The following WWOX variants were observed in gnomAD, a reference collection of about 807,000 sequenced individuals.
The protein encoded by WWOX is WW domain-containing oxidoreductase.
WWOX carries 69 observed loss-of-function variants against 46.2 expected under a neutral mutation model. The ratio of observed to expected loss-of-function variants is 1.49; its 90% CI spans 1.23 to 1.82. The LOEUF (loss-of-function observed/expected upper bound fraction) is 1.82. WWOX is among the 40% of genes most tolerant of loss of function. The pLI, the probability that WWOX is intolerant of heterozygous loss-of-function variation, is 0.00. For synonymous variants in WWOX, 359 were observed against 202.6 expected (o/e 1.77, Z -6.56); for missense variants, 919 against 542.6 (o/e 1.69, Z -6.89).
At position 79,174,668 on chromosome 16, in the gene WWOX, G is replaced by C. The variant is rs975591070; in HGVS notation, c.1057-36940G>C. Among the ~76,000 whole-genome samples, 3 of 152,138 alleles carry C rather than the reference G, an allele frequency of 2.0e-5. 1 individual carries two copies. Among genetic ancestry groups the C allele is most frequent in the Non-Finnish European group, 4.4e-5 (3 of 68,020 alleles). On this transcript the variant is annotated intron_variant, in intron 8 of 8. Coordinates refer to ENST00000566780, the MANE Select transcript of WWOX (RefSeq NM_016373.4). ...CATCTCAAAAACAAAAATTAAGAGGGACTGATGTCCAGTGAATTTCTATGT... is the reference window on the plus strand; with the variant it reads ...CATCTCAAAAACAAAAATTAAGAGGCACTGATGTCCAGTGAATTTCTATGT...
chr16:78,560,412 G>A (rs1272974435), intron 8 of WWOX, among the ~76,000 whole-genome samples: 1 of 152,210 alleles, frequency 6.6e-6, no homozygotes, highest in Admixed American at 6.5e-5. Flanking sequence ...GGAGGCCGAG[G>A]TGGGTGGATC....
rs780339512 is a variant in WWOX, at chr16:79,211,827, C to T, written c.*31C>T. ...GCTCAGAGCGGATGGGCACACACAC[C>T]CGCCCTGTGTGTGTCCCCTCACGCA... On this transcript the variant is annotated 3_prime_UTR_variant, in exon 9 of 9. Coordinates refer to ENST00000566780, the MANE Select transcript of WWOX (RefSeq NM_016373.4). The T allele has an allele frequency of 6.2e-7, 1 of 1,613,214 alleles. No individual in the cohort carries two copies. The highest frequency in any genetic ancestry group is 8.5e-7 in the Non-Finnish European group (1 of 1,179,810).
At chr16:78,711,976 C>T (rs1004594433) in intron 8 of WWOX, among the ~76,000 whole-genome samples, 1 of 152,170 alleles carries the variant, frequency 6.6e-6, no homozygotes, top group Non-Finnish European at 1.5e-5. Context: ...GACATTAAAT[C>T]TTCCATAATC....
chr16:79,040,168 C>T (rs1265094730), intron 8 of WWOX, among the ~76,000 whole-genome samples: 5 of 152,052 alleles, frequency 3.3e-5, no homozygotes, highest in Non-Finnish European at 5.9e-5. Context: ...AAAAAGAGCC[C>T]TTGGAAAATG....
chr16:78,352,204 T>G (rs1044593107), intron 5 of WWOX, among the ~76,000 whole-genome samples: 2 of 152,224 alleles, frequency 1.3e-5, no homozygotes, highest in Non-Finnish European at 2.9e-5. Context: ...GCCAGAAGTT[T>G]GGATGTGCAA....
In WWOX at chr16:78,874,267, A is replaced by G. The variant is rs546935890; in HGVS notation, c.1057-337341A>G. The stretch of plus-strand genomic sequence containing the variant: ...CGAGACTCTGTCTCAAAAAAAAAAA[A>G]AAAAGCTTCCATTTGAGCCGCCAGG... On this transcript the variant is annotated intron_variant, in intron 8 of 8. Transcript: ENST00000566780. Among the ~76,000 whole-genome samples, 6 of 151,888 alleles carry G rather than the reference A, an allele frequency of 4.0e-5. No individual in the cohort carries two copies. In the South Asian group the frequency reaches 1.0e-3, roughly 26 times the overall value.
At chr16:79,156,065 C>T (rs913255975) in intron 8 of WWOX, among the ~76,000 whole-genome samples, 1 of 152,174 alleles carries the variant, frequency 6.6e-6, no homozygotes, top group Non-Finnish European at 1.5e-5. Flanking sequence ...GTCACCACCA[C>T]CTCTTCAACG....
intron 8 of WWOX, chr16:78,897,613 T>C (rs946328487): frequency 7.2e-5 from 11 of 152,224 alleles, no homozygotes; most frequent in Non-Finnish European, 1.5e-5. Flanking sequence ...TTGGCTATTA[T>C]GAATAAAGCT....
intron 8 of WWOX, among the ~76,000 whole-genome samples, chr16:78,863,386 A>G (rs1349924293): frequency 2.0e-5 from 3 of 152,216 alleles, no homozygotes; most frequent in Non-Finnish European, 4.4e-5. Context: ...GACCTTGATG[A>G]ATGGACCCTG....
intron 6 of WWOX, among the ~76,000 whole-genome samples, chr16:78,419,235 G>C (rs1364961573): frequency 3.3e-5 from 5 of 152,136 alleles, no homozygotes; most frequent in South Asian, 2.1e-4. Context: ...TACAAATTTA[G>C]TGCAATCTCT....
chr16:78,100,812 C>T (rs2031726582), intron 1 of WWOX, among the ~76,000 whole-genome samples: 1 of 152,152 alleles, frequency 6.6e-6, no homozygotes, highest in African/African-American at 2.4e-5. Flanking sequence ...TACGACAGTG[C>T]CTCTTATATC....
intron 8 of WWOX, among the ~76,000 whole-genome samples, chr16:78,895,020 G>A (rs982484864): frequency 3.3e-5 from 5 of 152,152 alleles, no homozygotes; most frequent in Non-Finnish European, 7.4e-5. Flanking sequence ...GCCGGGCACC[G>A]GTTTACGAGA....
chr16:79,209,800 A>G (rs1387536695), intron 8 of WWOX, among the ~76,000 whole-genome samples: 1 of 152,248 alleles, frequency 6.6e-6, no homozygotes, highest in Non-Finnish European at 1.5e-5. Flanking sequence ...GAAGAGCCAG[A>G]TAAACCCCTT....
At chr16:78,560,107 C>G (rs574199810) in intron 8 of WWOX, among the ~76,000 whole-genome samples, 1 of 152,126 alleles carries the variant, frequency 6.6e-6, no homozygotes, top group Non-Finnish European at 1.5e-5. Flanking sequence ...CTCTGCAGTT[C>G]AGGAGATTAT....
chr16:78,603,228 C>G (rs2045665501), intron 8 of WWOX, among the ~76,000 whole-genome samples: 1 of 152,168 alleles, frequency 6.6e-6, no homozygotes, highest in South Asian at 2.1e-4. Flanking sequence ...TTTCATGGCA[C>G]AGATAAGGCA....
At chr16:78,673,461 A>G (rs1273069380) in intron 8 of WWOX, among the ~76,000 whole-genome samples, 4 of 152,158 alleles carry the variant, frequency 2.6e-5, no homozygotes, top group Non-Finnish European at 5.9e-5. Context: ...GCACCATAAC[A>G]CGAAACCCCT....
chr16:78,543,180 C>T (rs2043939192), intron 8 of WWOX, among the ~76,000 whole-genome samples: 2 of 152,218 alleles, frequency 1.3e-5, no homozygotes, highest in African/African-American at 2.4e-5. Flanking sequence ...ACAGCTGCTA[C>T]ATCTGGCACA....
At chr16:78,183,364 T>C (rs972008013) in intron 5 of WWOX, among the ~76,000 whole-genome samples, 6 of 152,116 alleles carry the variant, frequency 3.9e-5, no homozygotes, top group African/African-American at 1.4e-4. Context: ...TCTCATCACT[T>C]TTGGGTGGCA....
intron 8 of WWOX, among the ~76,000 whole-genome samples, chr16:78,822,973 G>A (rs968669124): frequency 1.3e-5 from 2 of 152,138 alleles, no homozygotes; most frequent in Non-Finnish European, 2.9e-5. Flanking sequence ...GAGGCTTCGT[G>A]TTGTTTGTAA....
Sources: allele counts gnomAD v4.1 joint callset (sites outside exome capture counted in the v4.1 genomes callset), GRCh38; gene constraint gnomAD v4.1.1; transcripts MANE v1.5; gene names NCBI Gene and HGNC (gene_info 2026-07-23, HGNC 2026-07-21).